The following RPL37 variants were observed in gnomAD, a reference collection of about 807,000 sequenced individuals.
RPL37 encodes large ribosomal subunit protein eL37.
A neutral mutation model predicts 14.8 loss-of-function variants in RPL37; 1 was observed. That is an observed-to-expected ratio of 0.07 (90% confidence interval 0.02 to 0.32). The LOEUF (loss-of-function observed/expected upper bound fraction) is 0.32, where lower values mean the gene tolerates loss of function less well. Among genes scored for constraint, RPL37 ranks in the 10% least tolerant of loss-of-function variants. RPL37 has a pLI of 1.00. For missense variants in RPL37, 100 were observed against 128.3 expected, an observed-to-expected ratio of 0.78 and a Z score of 1.06; for synonymous variants, 53 against 45.8, an observed-to-expected ratio of 1.16 and a Z score of -0.63.
rs1745630505 is a variant in RPL37, at chr5:40,831,017, CG to C, written c.*1486del. 6.6e-6 allele frequency: 1 copy of C among 151,910 alleles called. No homozygotes were observed. Among genetic ancestry groups the C allele is most frequent in the East Asian group, 2.0e-4 (1 of 5,058 alleles). The allele number at this position is 151,910 out of a possible 1,614,324, so 9.4% of individuals were successfully genotyped here. A position where few individuals can be genotyped will look rare whatever the true frequency, so the allele number is the denominator to read the frequency against. ...ATCCTAGCACTTTGGGAGGCCGAGGCGGCGGATCACGAGGTCGAGTTCGAGA... is the reference window on the plus strand; with the variant it reads ...ATCCTAGCACTTTGGGAGGCCGAGGCGCGGATCACGAGGTCGAGTTCGAGA... On this transcript the variant is annotated 3_prime_UTR_variant, in exon 4 of 4. Coordinates refer to ENST00000274242, the MANE Select transcript of RPL37 (RefSeq NM_000997.5).
chr5:40,834,038 C>G (rs1745704949), intron 3 of RPL37, 143 bp downstream of exon 3: 1 of 657,114 alleles, frequency 1.5e-6, no homozygotes, highest in Non-Finnish European at 2.7e-6. Flanking sequence ...TAGTGAAACC[C>G]TGCCTCAAAA....
rs1047611741 is a variant in RPL37 at position 40,828,684 on chromosome 5, T to G, written c.*3820A>C. Reference sequence around the variant, plus strand: ...TTTTAAAATATATCTTCATTCTCTTTGGCCTCAGCCACATGTGACTGAGTG... The same window carrying G: ...TTTTAAAATATATCTTCATTCTCTTGGGCCTCAGCCACATGTGACTGAGTG... On this transcript the variant is annotated 3_prime_UTR_variant, in exon 4 of 4. Transcript: ENST00000274242. 1 of 152,240 alleles carries G rather than the reference T, an allele frequency of 6.6e-6. No individual in the cohort carries two copies. Among genetic ancestry groups the G allele is most frequent in the Non-Finnish European group, 1.5e-5 (1 of 68,038 alleles). 9.4% of individuals were successfully genotyped at this position (152,240 alleles called of 1,614,324 possible).
rs941542671 is a variant in RPL37, at chr5:40,829,926, T to A, written c.*2578A>T. 3.9e-5 allele frequency: 6 copies of A among 152,128 alleles called. No homozygotes were observed. The highest frequency in any genetic ancestry group is 8.8e-5 in the Non-Finnish European group (6 of 68,060). The allele number at this position is 152,128 out of a possible 1,614,324, so 9.4% of individuals were successfully genotyped here. A position where few individuals can be genotyped will look rare whatever the true frequency, so the allele number is the denominator to read the frequency against. On this transcript the variant is annotated 3_prime_UTR_variant, in exon 4 of 4. Transcript: ENST00000274242. Reference sequence around the variant, plus strand: ...CCCACCTCACGTGAACTGCCCACCTTGGCCTCCCAAAGTGCTGCGACTATA... The same window carrying A: ...CCCACCTCACGTGAACTGCCCACCTAGGCCTCCCAAAGTGCTGCGACTATA...
At chr5:40,833,572 T>C (rs981794331) in intron 3 of RPL37, among the ~76,000 whole-genome samples, 2 of 152,232 alleles carry the variant, frequency 1.3e-5, no homozygotes, top group African/African-American at 4.8e-5. Flanking sequence ...AGGGCAATTT[T>C]CTACAGCACT....
chr5:40,833,455 T>C (rs868126230), intron 3 of RPL37, among the ~76,000 whole-genome samples: 5 of 152,212 alleles, frequency 3.3e-5, no homozygotes, highest in Admixed American at 2.0e-4. Context: ...AACTACTCTT[T>C]AATATGCAGG....
At position 40,826,526 on chromosome 5, in the gene RPL37, C is replaced by G. The variant is rs555224395; in HGVS notation, c.*5978G>C. ...TGGACAAAGGAGTTACTACCTTCTA[C>G]TTTGAAACCCAGTGAAAGGAACTTC... is the stretch of plus-strand genomic sequence containing the variant. On this transcript the variant is annotated 3_prime_UTR_variant, in exon 4 of 4. Transcript: ENST00000274242. 3.2e-5 allele frequency: 4 copies of G among 126,960 alleles called. No individual in the cohort carries two copies. The highest frequency in any genetic ancestry group is 2.7e-4 in the Admixed American group (3 of 11,282). The allele number at this position is 126,960 out of a possible 1,614,324, so 7.9% of individuals were successfully genotyped here.
chr5:40,834,933 T>A, intron 1 of RPL37: 1 of 623,218 alleles, frequency 1.6e-6, no homozygotes, highest in South Asian at 1.9e-5. Flanking sequence ...GCTAGAGCCG[T>A]GAAAGGTCTC....
At chr5:40,834,091 C>T in intron 3 of RPL37, 90 bp downstream of exon 3, 1 of 903,648 alleles carries the variant, frequency 1.1e-6, no homozygotes, top group Non-Finnish European at 1.8e-6. Context: ...TCCCCAGTAA[C>T]CATCAGGGTA....
At position 40,832,365 on chromosome 5, in the gene RPL37, GAT is replaced by G. The variant is rs562901249; in HGVS notation, c.*137_*138del. ...AAACAGTCACTTAACAAGTAAATCT[GAT>G]ATGAAGCTAGCCCAGTCCCTAAACC... On this transcript the variant is annotated 3_prime_UTR_variant, in exon 4 of 4. Transcript: ENST00000274242. 6 of 767,418 alleles carry G rather than the reference GAT, an allele frequency of 7.8e-6. No individual in the cohort carries two copies. In the East Asian group the frequency reaches 1.5e-4, roughly 19 times the overall value. The allele number at this position is 767,418 out of a possible 1,614,324, so 47.5% of individuals were successfully genotyped here.
In RPL37 at chr5:40,832,126, T is replaced by C. The variant is rs569423456; in HGVS notation, c.*378A>G. 25 of 240,548 alleles carry C rather than the reference T, an allele frequency of 1.0e-4. No individual in the cohort carries two copies. The South Asian group carries it at 1.1e-3, about 10-fold the overall frequency. 14.9% of individuals were successfully genotyped at this position (240,548 alleles called of 1,614,324 possible). A position where few individuals can be genotyped will look rare whatever the true frequency, so the allele number is the denominator to read the frequency against. On this transcript the variant is annotated 3_prime_UTR_variant, in exon 4 of 4. Transcript: ENST00000274242. The stretch of plus-strand genomic sequence containing the variant: ...AATCATCCCCCTAGTCATGACAGCA[T>C]AGCAGATGAACATGTTGCTAAAGGT...
intron 3 of RPL37, 93 bp from the exon 4 acceptor site, chr5:40,832,666 A>C: frequency 4.1e-5 from 37 of 911,468 alleles, no homozygotes; most frequent in Non-Finnish European, 6.3e-5. Flanking sequence ...CGCTTATCTC[A>C]GTTAAATGCT....
chr5:40,835,220 G>A lies in RPL37; in HGVS notation c.-35C>T, dbSNP rs537067373. 198 of 1,613,910 alleles carry A rather than the reference G, an allele frequency of 1.2e-4. 1 individual carries two copies. The highest frequency in any genetic ancestry group is 4.7e-4 in the Admixed American group (28 of 60,020). On this transcript the variant is annotated 5_prime_UTR_variant, in exon 1 of 4. Transcript: ENST00000274242. ...GCGGCCGAGACCAGAAAGACCGGAA[G>A]AGAAGGCACTTCCGCTATATCACGC...
intron 2 of RPL37, 85 bp from the exon 3 acceptor site, chr5:40,834,350 C>T: frequency 2.6e-6 from 4 of 1,553,260 alleles, no homozygotes; most frequent in East Asian, 4.5e-5. Context: ...TTTATGCCAC[C>T]TCATCGGCAT....
chr5:40,833,973 A>T (rs1745702804), intron 3 of RPL37: 2 of 551,042 alleles, frequency 3.6e-6, no homozygotes, highest in Non-Finnish European at 3.2e-6. Flanking sequence ...GAGGCTGGGG[A>T]GACTGAGGCT....
intron 3 of RPL37, 72 bp downstream of exon 3, chr5:40,834,109 C>G (rs565847017): frequency 9.3e-7 from 1 of 1,075,630 alleles, no homozygotes; most frequent in South Asian, 1.3e-5. Flanking sequence ...GTACTGTTAT[C>G]TTTTTACAAG....
chr5:40,834,833 G>A (rs1745730422), intron 1 of RPL37, among the ~76,000 whole-genome samples: 1 of 152,160 alleles, frequency 6.6e-6, no homozygotes, highest in South Asian at 2.1e-4. Flanking sequence ...TATCTTTACA[G>A]ACTCCGGCCA....
rs1290381780 is a variant in RPL37 at position 40,826,272 on chromosome 5, T to C, written c.*6232A>G. 2 of 152,118 alleles carry C rather than the reference T, an allele frequency of 1.3e-5. No homozygotes were observed. Among genetic ancestry groups the C allele is most frequent in the African/African-American group, 4.8e-5 (2 of 41,418 alleles). 9.4% of individuals were successfully genotyped at this position (152,118 alleles called of 1,614,324 possible). ...GGATTTTTCCTACTTTGGGTAACTA[T>C]CAAAAGTCTCACACACACACACAAC... On this transcript the variant is annotated 3_prime_UTR_variant, in exon 4 of 4. Transcript: ENST00000274242.
At chr5:40,834,001 T>A in intron 3 of RPL37, 180 bp downstream of exon 3, 1 of 593,638 alleles carries the variant, frequency 1.7e-6, no homozygotes, top group South Asian at 2.0e-5. Context: ...GCCGTGATCG[T>A]GCCACTACAC....
chr5:40,834,096 A>C, intron 3 of RPL37, 85 bp downstream of exon 3: 2 of 920,562 alleles, frequency 2.2e-6, no homozygotes, highest in Non-Finnish European at 3.6e-6. Flanking sequence ...AGTAACCATC[A>C]GGGTACTGTT....
Sources: gnomAD v4.1 joint callset for allele counts (sites outside exome capture counted in the v4.1 genomes callset) on GRCh38, gnomAD v4.1.1 for gene constraint, MANE v1.5 for transcripts, NCBI Gene and HGNC (gene_info 2026-07-23, HGNC 2026-07-21) for gene names.